LIMA1: variants seen among roughly 807,000 people sequenced by gnomAD.
LIMA1 encodes the protein LIM domain and actin binding 1.
LIMA1 carries 52 observed loss-of-function variants against 62.6 expected under a neutral mutation model. That is an observed-to-expected ratio of 0.83 (90% confidence interval 0.67 to 1.05). LIMA1 has a LOEUF of 1.05. Ranked by LOEUF, LIMA1 falls within the 50% of genes least tolerant of loss-of-function variation. The probability of loss-of-function intolerance (pLI) is 0.00; values close to 1 mark genes in which losing one functional copy is unlikely to be tolerated. For synonymous variants in LIMA1, 302 were observed against 317.8 expected (o/e 0.95, Z 0.53); for missense variants, 780 against 902.2 (o/e 0.86, Z 1.74).
chr12:50,196,135 A>G (rs1407619768), intron 7 of LIMA1: 1 of 418,840 alleles, frequency 2.4e-6, no homozygotes, highest in African/African-American at 2.1e-5. Flanking sequence ...TCAACTGCCA[A>G]AAGTGTGCAT....
intron 1 of LIMA1, among the ~76,000 whole-genome samples, chr12:50,260,995 C>T (rs969990892): frequency 7.1e-6 from 1 of 141,448 alleles, no homozygotes; most frequent in South Asian, 2.3e-4. Context: ...TGCTATTTTA[C>T]CCCTCTCCCT....
At chr12:50,227,984 C>T (rs1237051892) in intron 3 of LIMA1, among the ~76,000 whole-genome samples, 15 of 151,826 alleles carry the variant, frequency 9.9e-5, no homozygotes, top group Admixed American at 3.9e-4. Context: ...CTCAGCCTCC[C>T]GAGTAGCTAG....
intron 3 of LIMA1, among the ~76,000 whole-genome samples, chr12:50,230,331 C>G (rs1941591178): frequency 6.6e-6 from 1 of 152,146 alleles, no homozygotes; most frequent in Non-Finnish European, 1.5e-5. Context: ...CCACCGCGCC[C>G]AGCCATACTG....
chr12:50,267,926 G>T (rs1592567679), intron 1 of LIMA1, among the ~76,000 whole-genome samples: 1 of 151,652 alleles, frequency 6.6e-6, no homozygotes, highest in East Asian at 2.0e-4. Flanking sequence ...AACTGCTGGG[G>T]TTACAGGTGT....
chr12:50,210,399 C>T (rs1592522749), intron 4 of LIMA1, among the ~76,000 whole-genome samples: 2 of 114,732 alleles, frequency 1.7e-5, no homozygotes. Context: ...GCCTGGGCAA[C>T]AGAGCAAGAC....
At chr12:50,240,056 CATAAA>C (rs147194517) in intron 2 of LIMA1, among the ~76,000 whole-genome samples, 1,703 of 113,270 alleles carry the variant, frequency 0.015, 41 homozygotes, top group African/African-American at 0.052. Context: ...CATAACATAA[CATAAA>C]ATAAAAAATT....
intron 6 of LIMA1, chr12:50,201,984 T>C (rs927593393): frequency 3.4e-4 from 52 of 152,252 alleles, no homozygotes; most frequent in African/African-American, 1.2e-3. Context: ...AATAATGTAG[T>C]AATCTAGTAC....
chr12:50,217,707 G>T (rs965050469), intron 4 of LIMA1: 6 of 279,142 alleles, frequency 2.1e-5, no homozygotes, highest in Non-Finnish European at 3.5e-5. Flanking sequence ...GGTCTACAGT[G>T]GGGGGAAGGT....
intron 4 of LIMA1, among the ~76,000 whole-genome samples, chr12:50,210,343 A>G (rs1941231052): frequency 6.8e-6 from 1 of 146,024 alleles, no homozygotes; most frequent in Non-Finnish European, 1.5e-5. Context: ...GAATCGCTTG[A>G]ACCAGGGAGG....
At chr12:50,197,860 AG>A (rs1443024867) in intron 7 of LIMA1, among the ~76,000 whole-genome samples, 1 of 151,556 alleles carries the variant, frequency 6.6e-6, no homozygotes, top group African/African-American at 2.4e-5. Context: ...ATATTTAGTC[AG>A]TTATTCTTAA....
intron 4 of LIMA1, among the ~76,000 whole-genome samples, chr12:50,215,463 AT>A (rs1941327067): frequency 6.6e-6 from 1 of 151,764 alleles, no homozygotes; most frequent in Admixed American, 6.6e-5. Context: ...TGCTTTATTT[AT>A]TTTATTTATT....
chr12:50,191,576 C>A (rs1425918712), intron 9 of LIMA1, among the ~76,000 whole-genome samples: 1 of 152,066 alleles, frequency 6.6e-6, no homozygotes, highest in Non-Finnish European at 1.5e-5. Context: ...AATCCCAGCA[C>A]TTTGGGAGGC....
At chr12:50,266,648 G>A (rs1942142526) in intron 1 of LIMA1, among the ~76,000 whole-genome samples, 2 of 152,124 alleles carry the variant, frequency 1.3e-5, no homozygotes, top group Non-Finnish European at 2.9e-5. Context: ...TTCCTAGAAG[G>A]AGCATTTCTA....
chr12:50,270,233 C>CA (rs60610107), intron 1 of LIMA1, among the ~76,000 whole-genome samples: 954 of 68,366 alleles, frequency 0.014, 44 homozygotes, highest in African/African-American at 0.032. Flanking sequence ...GAAACTCTGT[C>CA]AAAAAAAAAA....
At chr12:50,205,243 T>A in intron 5 of LIMA1, among the ~76,000 whole-genome samples, 1 of 21,716 alleles carries the variant, frequency 4.6e-5, no homozygotes, top group East Asian at 0.017. Flanking sequence ...ACGCTGGGCT[T>A]TTTTTTTTTT....
chr12:50,205,161 T>C (rs1350567624), intron 5 of LIMA1, among the ~76,000 whole-genome samples: 1 of 152,120 alleles, frequency 6.6e-6, no homozygotes, highest in African/African-American at 2.4e-5. Context: ...CACTGCAGCT[T>C]TGAAGTCTTG....
chr12:50,192,889 T>C (rs1018542341), intron 8 of LIMA1, among the ~76,000 whole-genome samples: 6 of 152,236 alleles, frequency 3.9e-5, no homozygotes, highest in Non-Finnish European at 7.3e-5. Flanking sequence ...AGATGTCTTT[T>C]TGGTCATTAA....
intron 6 of LIMA1, chr12:50,201,165 A>G: frequency 1.8e-6 from 2 of 1,125,674 alleles, no homozygotes; most frequent in South Asian, 5.0e-5. Flanking sequence ...GAACACCCCA[A>G]GCATACAACA....
chr12:50,196,097 A>G lies in LIMA1; in HGVS notation c.973-210T>C. Reference sequence around the variant, plus strand: ...GAGGATATTAACATGCCTCTCAATTACAGAGTAACCCGAGAAACAGACTGC... The same window carrying G: ...GAGGATATTAACATGCCTCTCAATTGCAGAGTAACCCGAGAAACAGACTGC... On this transcript the variant is annotated intron_variant, in intron 7 of 10. Coordinates refer to ENST00000341247, the MANE Select transcript of LIMA1 (RefSeq NM_016357.5). 4 of 487,656 alleles carry G rather than the reference A, an allele frequency of 8.2e-6. No individual in the cohort carries two copies. The South Asian group carries it at 1.3e-4, about 16-fold the overall frequency. The allele number at this position is 487,656 out of a possible 1,614,324, so 30.2% of individuals were successfully genotyped here.
Sources: gnomAD v4.1 joint callset for allele counts (sites outside exome capture counted in the v4.1 genomes callset) on GRCh38, gnomAD v4.1.1 for gene constraint, MANE v1.5 for transcripts, NCBI Gene and HGNC (gene_info 2026-07-23, HGNC 2026-07-21) for gene names.